PCLO: variants seen among roughly 807,000 people sequenced by gnomAD.
PCLO encodes the protein piccolo presynaptic cytomatrix protein.
Under a neutral mutation model 427.5 loss-of-function variants are expected in PCLO, and 82 were observed. The ratio of observed to expected loss-of-function variants is 0.19; its 90% CI spans 0.16 to 0.23. The LOEUF (loss-of-function observed/expected upper bound fraction) is 0.23. Ranked by LOEUF, PCLO falls within the 10% of genes least tolerant of loss-of-function variation. PCLO has a pLI of 1.00. For missense variants in PCLO, 6,239 were observed against 6,115.9 expected, an observed-to-expected ratio of 1.02 and a Z score of -0.67; for synonymous variants, 2,357 against 2,155.4, an observed-to-expected ratio of 1.09 and a Z score of -2.59.
At position 82,920,784 on chromosome 7, in the gene PCLO, T is replaced by C. The variant is rs187742366; in HGVS notation, c.11113-3911A>G. Among the ~76,000 whole-genome samples the C allele has an allele frequency of 4.2e-3, 635 of 151,918 alleles. 3 individuals are homozygous for C. The highest frequency in any genetic ancestry group is 0.015 in the African/African-American group (607 of 41,510). ...GCCACACTATCCTAAGTGACTTAAA[T>C]ATATGTATGTGCATTAATTCATTGT... On this transcript the variant is annotated intron_variant, in intron 6 of 24. Transcript: ENST00000333891.
intron 22 of PCLO, among the ~76,000 whole-genome samples, chr7:82,768,895 G>A (rs546119328): frequency 1.3e-5 from 2 of 152,138 alleles, no homozygotes; most frequent in African/African-American, 4.8e-5. Context: ...TGCATTTATA[G>A]AGAAACATTA....
Position 82,908,376 on chromosome 7 carries a change from A to G in PCLO, c.13437+501T>C, listed in dbSNP as rs1794241863. ...GTGAGTTGTTCCACATATAAAATTCAAAAATACATAACAAAACAACTAACA... is the reference window on the plus strand; with the variant it reads ...GTGAGTTGTTCCACATATAAAATTCGAAAATACATAACAAAACAACTAACA... On this transcript the variant is annotated intron_variant, in intron 8 of 24. Coordinates refer to ENST00000333891, the MANE Select transcript of PCLO (RefSeq NM_033026.6). Among the ~76,000 whole-genome samples the G allele has an allele frequency of 2.6e-5, 4 of 152,092 alleles. 1 individual carries two copies. In the South Asian group the frequency reaches 8.3e-4, roughly 32 times the overall value.
At chr7:82,797,678 T>G (rs958957392) in intron 22 of PCLO, among the ~76,000 whole-genome samples, 3 of 152,154 alleles carry the variant, frequency 2.0e-5, no homozygotes, top group Admixed American at 6.6e-5. Context: ...GCTTTACATA[T>G]GCACTTAATT....
At chr7:82,869,120 A>G (rs1387971080) in intron 10 of PCLO, among the ~76,000 whole-genome samples, 1 of 152,134 alleles carries the variant, frequency 6.6e-6, no homozygotes, top group Non-Finnish European at 1.5e-5. Context: ...GCTTAGAACC[A>G]ATGATATGTA....
intron 9 of PCLO, among the ~76,000 whole-genome samples, chr7:82,890,515 C>T (rs1031108932): frequency 1.3e-5 from 2 of 151,550 alleles, no homozygotes; most frequent in African/African-American, 4.8e-5. Flanking sequence ...TAGGAGATAG[C>T]CCTTATTTGT....
intron 3 of PCLO, among the ~76,000 whole-genome samples, chr7:82,967,144 C>A (rs1795794457): frequency 6.6e-6 from 1 of 151,232 alleles, no homozygotes; most frequent in South Asian, 2.1e-4. Context: ...TATTTGGTAT[C>A]TTTTTCCCTG....
chr7:83,149,106 T>C (rs1792066679), intron 2 of PCLO, among the ~76,000 whole-genome samples: 1 of 152,202 alleles, frequency 6.6e-6, no homozygotes, highest in South Asian at 2.1e-4. Flanking sequence ...CAGGTCACCC[T>C]TTCATTTGTG....
intron 9 of PCLO, among the ~76,000 whole-genome samples, chr7:82,897,054 A>C (rs1307355543): frequency 6.6e-6 from 1 of 151,616 alleles, no homozygotes; most frequent in Non-Finnish European, 1.5e-5. Context: ...TGAGCATCAC[A>C]TTTTGTTCTT....
chr7:82,928,383 A>G (rs1261264831), intron 6 of PCLO, among the ~76,000 whole-genome samples: 3 of 152,206 alleles, frequency 2.0e-5, no homozygotes, highest in Admixed American at 6.5e-5. Flanking sequence ...ATCTTTATTT[A>G]TATAACAGTG....
chr7:82,843,180 C>T lies in PCLO; in HGVS notation c.14047-1671G>A, dbSNP rs140917052. ...TGTCTATCAATTGATGATTAGGTAA[C>T]GAAAATGTGTTACATATACACAACA... is the stretch of plus-strand genomic sequence containing the variant. On this transcript the variant is annotated intron_variant, in intron 13 of 24. Transcript: ENST00000333891. Among the ~76,000 whole-genome samples the T allele has an allele frequency of 1.1e-3, 165 of 152,058 alleles. 1 individual carries two copies. Among genetic ancestry groups the T allele is most frequent in the African/African-American group, 3.5e-3 (145 of 41,514 alleles).
chr7:82,867,968 T>C (rs1793138086), intron 10 of PCLO: 1 of 358,392 alleles, frequency 2.8e-6, no homozygotes, highest in Non-Finnish European at 5.5e-6. Context: ...TAATTTGTAT[T>C]TTTCTTCACA....
rs752030563 is a variant in PCLO at position 83,156,345 on chromosome 7, G to A, written c.296C>T (p.Pro99Leu). The part of the protein sequence containing the change: ...SSHPPKQSGR[P>L]PDPGRPAQPG... ...TTGAGCTGGACGCCCAGGGTCCGGG[G>A]GTCTTCCTGATTGCTTTGGAGGATG... The change falls in exon 2 of 25, where the codon CCC (proline) becomes CTC (leucine). Residue 99 changes from proline to leucine, a missense_variant. Pro to Leu is a moderately conservative substitution (Grantham distance 98). This residue lies in a region of PCLO where 4,677 missense variants were observed against 4,468.4 expected (regional missense o/e 1.05). Coordinates refer to ENST00000333891, the MANE Select transcript of PCLO (RefSeq NM_033026.6). 21 of 1,612,318 alleles carry A rather than the reference G, an allele frequency of 1.3e-5. No individual in the cohort carries two copies. The East Asian group carries it at 3.1e-4, about 24-fold the overall frequency.
chr7:83,035,923 A>C (rs1562931773), intron 3 of PCLO, among the ~76,000 whole-genome samples: 1 of 152,176 alleles, frequency 6.6e-6, no homozygotes, highest in Non-Finnish European at 1.5e-5. Context: ...TTGAGGCACA[A>C]GCACTCTAGC....
At chr7:82,760,337 T>A (rs1230113838) in intron 24 of PCLO, among the ~76,000 whole-genome samples, 1 of 151,762 alleles carries the variant, frequency 6.6e-6, no homozygotes, top group Non-Finnish European at 1.5e-5. Context: ...GGTAAACAGA[T>A]GAAATGATTT....
intron 3 of PCLO, among the ~76,000 whole-genome samples, chr7:83,021,860 AT>A (rs2116062411): frequency 6.6e-6 from 1 of 152,330 alleles, no homozygotes; most frequent in African/African-American, 2.4e-5. Context: ...TTTTATAAGC[AT>A]TTCTTAAAGA....
intron 9 of PCLO, among the ~76,000 whole-genome samples, chr7:82,900,471 A>C (rs1794010764): frequency 6.6e-6 from 1 of 151,730 alleles, no homozygotes; most frequent in African/African-American, 2.4e-5. Context: ...TACTTGACCA[A>C]AAATATAGGT....
chr7:83,139,220 T>C (rs1010168849), intron 2 of PCLO, among the ~76,000 whole-genome samples: 7 of 152,148 alleles, frequency 4.6e-5, no homozygotes, highest in African/African-American at 1.7e-4. Context: ...CAAGGTGTAC[T>C]TGAAAAAAGA....
Position 82,950,511 on chromosome 7 carries a change from A to G in PCLO, c.10077T>C (p.Ala3359=), listed in dbSNP as rs772905821. 1.8e-5 allele frequency: 29 copies of G among 1,613,710 alleles called. No individual in the cohort carries two copies. In the East Asian group the frequency reaches 4.9e-4, roughly 27 times the overall value. The change falls in exon 6 of 25, where the codon GCT becomes GCC. Residue 3359 remains alanine, a synonymous_variant. Transcript: ENST00000333891. The part of the protein sequence containing the change: ...FWATEDATTT[A]SAVVAIEIPQ... ...GTATTTCAATTGCCACAACAGCTGA[A>G]GCTGTGGTGGTTGCATCTTCAGTTG...
intron 3 of PCLO, among the ~76,000 whole-genome samples, chr7:83,099,384 T>G (rs1584023792): frequency 1.9e-5 from 2 of 103,078 alleles, no homozygotes; most frequent in Non-Finnish European, 3.7e-5. Context: ...ATACAGTAGA[T>G]TTTTTTGTTT....
Sources: allele counts gnomAD v4.1 joint callset (sites outside exome capture counted in the v4.1 genomes callset), GRCh38; gene constraint gnomAD v4.1.1; regional missense constraint gnomAD v4.1.1; transcripts MANE v1.5; gene names NCBI Gene and HGNC (gene_info 2026-07-23, HGNC 2026-07-21).